Variants in EPB41L2 observed in about 807,000 individuals in gnomAD.
The protein encoded by EPB41L2 is band 4.1-like protein 2.
A neutral mutation model predicts 113.0 loss-of-function variants in EPB41L2; 43 were observed. The ratio of observed to expected loss-of-function variants is 0.38; its 90% CI spans 0.30 to 0.49. The LOEUF is 0.49. Ranked by LOEUF, EPB41L2 falls within the 20% of genes least tolerant of loss-of-function variation. EPB41L2 has a pLI of 0.95. For synonymous variants in EPB41L2, 442 were observed against 436.7 expected (o/e 1.01, Z -0.15); for missense variants, 1,147 against 1,223.4 (o/e 0.94, Z 0.93).
At chr6:130,993,853 T>G (rs60296509) in intron 1 of EPB41L2, among the ~76,000 whole-genome samples, 4,723 of 152,156 alleles carry the variant, frequency 0.031, 234 homozygotes, top group African/African-American at 0.11. Context: ...TATATTGGCC[T>G]ACCTGCCACC....
intron 1 of EPB41L2, among the ~76,000 whole-genome samples, chr6:130,994,599 G>A (rs751118637): frequency 6.6e-6 from 1 of 152,144 alleles, no homozygotes; most frequent in Admixed American, 6.5e-5. Flanking sequence ...GTCTGCAGTT[G>A]TACCTATAAA....
At chr6:130,870,286 G>A in intron 14 of EPB41L2, 160 bp from the exon 15 acceptor site, 1 of 1,549,356 alleles carries the variant, frequency 6.5e-7, no homozygotes, top group Non-Finnish European at 8.7e-7. Context: ...AGGGCAATGA[G>A]AAACGTGAGG....
intron 1 of EPB41L2, among the ~76,000 whole-genome samples, chr6:131,023,714 C>CGTGTGTGTGT (rs57842026): frequency 7.0e-6 from 1 of 142,118 alleles, no homozygotes; most frequent in South Asian, 2.2e-4. Context: ...AAAATGTGTG[C>CGTGTGTGTGT]GTGTGTGTGT....
chr6:130,973,009 G>A (rs1777272753), intron 1 of EPB41L2, among the ~76,000 whole-genome samples: 1 of 150,936 alleles, frequency 6.6e-6, no homozygotes, highest in Admixed American at 6.6e-5. Context: ...CTACTCGGGA[G>A]TCTGAGGCAG....
chr6:131,037,419 T>C (rs893161915), intron 1 of EPB41L2, among the ~76,000 whole-genome samples: 2 of 152,218 alleles, frequency 1.3e-5, no homozygotes, highest in Admixed American at 6.5e-5. Flanking sequence ...TTAGATGATA[T>C]GACTCACTTA....
intron 17 of EPB41L2, among the ~76,000 whole-genome samples, chr6:130,865,029 G>C (rs928377754): frequency 5.3e-5 from 8 of 152,222 alleles, no homozygotes; most frequent in African/African-American, 1.9e-4. Flanking sequence ...GGGTGAAGCT[G>C]ATGCTGCTGA....
intron 1 of EPB41L2, among the ~76,000 whole-genome samples, chr6:131,029,586 T>A (rs992867940): frequency 5.9e-5 from 9 of 152,172 alleles, no homozygotes; most frequent in African/African-American, 2.2e-4. Context: ...ATTTTTAAAC[T>A]GCCAAATTAA....
At chr6:130,956,858 A>G (rs968313997) in intron 1 of EPB41L2, among the ~76,000 whole-genome samples, 2 of 152,170 alleles carry the variant, frequency 1.3e-5, no homozygotes, top group African/African-American at 4.8e-5. Context: ...TTTTAAGAAA[A>G]ATTACTTTTA....
intron 1 of EPB41L2, among the ~76,000 whole-genome samples, chr6:131,062,082 C>A (rs1798770230): frequency 6.6e-6 from 1 of 151,952 alleles, no homozygotes; most frequent in Admixed American, 6.6e-5. Context: ...GTTGATGGGG[C>A]AATTCAATGA....
intron 1 of EPB41L2, among the ~76,000 whole-genome samples, chr6:130,982,011 G>C (rs1397864911): frequency 6.6e-6 from 1 of 151,008 alleles, no homozygotes; most frequent in Non-Finnish European, 1.5e-5. Flanking sequence ...GATTTTAAAA[G>C]TTTTGATGAT....
intron 1 of EPB41L2, among the ~76,000 whole-genome samples, chr6:131,062,077 T>TG (rs1798768413): frequency 6.6e-6 from 1 of 151,980 alleles, no homozygotes; most frequent in Non-Finnish European, 1.5e-5. Flanking sequence ...GTGGTGTTGA[T>TG]GGGGCAATTC....
intron 14 of EPB41L2, among the ~76,000 whole-genome samples, chr6:130,876,952 C>T (rs1241143285): frequency 1.3e-5 from 2 of 152,126 alleles, no homozygotes; most frequent in Non-Finnish European, 2.9e-5. Flanking sequence ...GAAAACACAA[C>T]ATTCTGGAAT....
intron 1 of EPB41L2, among the ~76,000 whole-genome samples, chr6:130,998,445 T>A (rs1783640108): frequency 6.6e-6 from 1 of 151,784 alleles, no homozygotes; most frequent in African/African-American, 2.4e-5. Flanking sequence ...GTTAAAAGAG[T>A]AGCTTAAGAA....
Position 130,990,222 on chromosome 6 carries a change from G to A in EPB41L2, c.-14-33723C>T, listed in dbSNP as rs573341637. ...TGCAGGTCCAGCTACACAGGAGGCT[G>A]AGGCAAGAGAATCGCTGGAACCTGG... On this transcript the variant is annotated intron_variant, in intron 1 of 19. Transcript: ENST00000337057. Among the ~76,000 whole-genome samples the A allele has an allele frequency of 9.7e-4, 148 of 152,204 alleles. 3 individuals are homozygous for A. In the South Asian group the frequency reaches 0.024, roughly 24 times the overall value.
chr6:130,855,970 G>C (rs1000975912), intron 19 of EPB41L2, among the ~76,000 whole-genome samples: 1 of 152,040 alleles, frequency 6.6e-6, no homozygotes, highest in Non-Finnish European at 1.5e-5. Flanking sequence ...AGGGATAGAC[G>C]CATGGACCAA....
chr6:130,842,765 T>C (rs1346049747), intron 19 of EPB41L2, among the ~76,000 whole-genome samples: 5 of 152,232 alleles, frequency 3.3e-5, no homozygotes, highest in East Asian at 1.9e-4. Context: ...ATGTTGGAAT[T>C]GAAGGGATCT....
At chr6:131,008,498 G>C (rs756487293) in intron 1 of EPB41L2, among the ~76,000 whole-genome samples, 35 of 152,256 alleles carry the variant, frequency 2.3e-4, no homozygotes, top group Non-Finnish European at 4.7e-4. Context: ...ACCCCACACA[G>C]AGTCCCCTCT....
At chr6:130,928,430 TA>T (rs1805545892) in intron 3 of EPB41L2, among the ~76,000 whole-genome samples, 1 of 152,224 alleles carries the variant, frequency 6.6e-6, no homozygotes, top group Non-Finnish European at 1.5e-5. Flanking sequence ...CGGTGAGTAC[TA>T]AAAGAGTTGC....
intron 19 of EPB41L2, among the ~76,000 whole-genome samples, chr6:130,857,504 A>G (rs959180355): frequency 1.1e-4 from 16 of 150,620 alleles, no homozygotes; most frequent in Admixed American, 2.6e-4. Flanking sequence ...CCATTTTTAC[A>G]CAGTCAAAGA....
Sources: gnomAD v4.1 joint callset for allele counts (sites outside exome capture counted in the v4.1 genomes callset) on GRCh38, gnomAD v4.1.1 for gene constraint, MANE v1.5 for transcripts, NCBI Gene and HGNC (gene_info 2026-07-23, HGNC 2026-07-21) for gene names.